The following ZNF827 variants were observed in gnomAD, a reference collection of about 807,000 sequenced individuals.
ZNF827 encodes the protein zinc finger protein 827.
Under a neutral mutation model 102.4 loss-of-function variants are expected in ZNF827, and 13 were observed. That is an observed-to-expected ratio of 0.13 (90% CI 0.08 to 0.20). ZNF827 has a LOEUF of 0.20. Among genes scored for constraint, ZNF827 ranks in the 10% least tolerant of loss-of-function variants. The pLI, the probability that ZNF827 is intolerant of heterozygous loss-of-function variation, is 1.00. For missense variants in ZNF827, 1,103 were observed against 1,344.4 expected (o/e 0.82, Z 2.81); for synonymous variants, 523 against 536.2 (o/e 0.98, Z 0.34).
At chr4:145,835,575 C>T (rs1446553880) in intron 7 of ZNF827, among the ~76,000 whole-genome samples, 8 of 149,858 alleles carry the variant, frequency 5.3e-5, no homozygotes, top group East Asian at 2.0e-4. Flanking sequence ...ATCTCATTGC[C>T]GCCCTTCTTC....
intron 8 of ZNF827, among the ~76,000 whole-genome samples, chr4:145,805,194 GA>G (rs1428912238): frequency 2.6e-5 from 4 of 151,314 alleles, no homozygotes; most frequent in Admixed American, 2.6e-4. Context: ...CCTTTCTGAT[GA>G]AGGCATTCCC....
intron 9 of ZNF827, among the ~76,000 whole-genome samples, chr4:145,778,678 T>C (rs1737491335): frequency 6.6e-6 from 1 of 152,242 alleles, no homozygotes; most frequent in Admixed American, 6.5e-5. Context: ...TTAAATTTTG[T>C]GTGATGTACG....
chr4:145,839,158 C>T (rs1745172071), intron 7 of ZNF827: 1 of 152,210 alleles, frequency 6.6e-6, no homozygotes, highest in South Asian at 2.1e-4. Context: ...GATTGTCTTA[C>T]AGGTGGGCCA....
intron 5 of ZNF827, among the ~76,000 whole-genome samples, chr4:145,866,725 C>T (rs1157183795): frequency 1.3e-5 from 2 of 152,174 alleles, no homozygotes; most frequent in Admixed American, 1.3e-4. Context: ...TCTACTACTT[C>T]TAGGATCACC....
chr4:145,913,857 T>C lies in ZNF827; in HGVS notation c.44-10642A>G, dbSNP rs563580417. Among the ~76,000 whole-genome samples the C allele has an allele frequency of 2.0e-5, 3 of 152,334 alleles. No homozygotes were observed. In the South Asian group the frequency reaches 6.2e-4, roughly 32 times the overall value. ...TCATTTTAACATTACCAATACTTCT[T>C]AGAAGATCAGTAATAAATTACCAAA... On this transcript the variant is annotated intron_variant, in intron 1 of 14. Coordinates refer to ENST00000508784, the MANE Select transcript of ZNF827 (RefSeq NM_001306215.2).
rs754362937 is a variant in ZNF827 at position 145,774,515 on chromosome 4, T to C, written c.2851A>G (p.Lys951Glu). 1 of 1,610,566 alleles carries C rather than the reference T, an allele frequency of 6.2e-7. No homozygotes were observed. Among genetic ancestry groups the C allele is most frequent in the Non-Finnish European group, 8.5e-7 (1 of 1,178,376 alleles). The change falls in exon 11 of 15, where the codon AAG (lysine) becomes GAG (glutamate). Residue 951 changes from lysine (K) to glutamate (E), a missense_variant. By Grantham distance (56) the Lys-to-Glu change is moderately conservative. Coordinates refer to ENST00000508784, the MANE Select transcript of ZNF827 (RefSeq NM_001306215.2). Reference protein sequence around the residue: ...EAEIKTHIGTKHTGEDRKTPS... With the variant: ...EAEIKTHIGTEHTGEDRKTPS... Reference sequence around the variant, plus strand: ...AGACAGGAATGGTCACCTGTGTGCTTGGTGCCAATGTGAGTCTTTATCTCT... The same window carrying C: ...AGACAGGAATGGTCACCTGTGTGCTCGGTGCCAATGTGAGTCTTTATCTCT...
chr4:145,820,946 TC>T (rs1227943220), intron 8 of ZNF827, among the ~76,000 whole-genome samples: 2 of 152,240 alleles, frequency 1.3e-5, no homozygotes, highest in African/African-American at 2.4e-5. Flanking sequence ...GTGTTCTTGC[TC>T]CCAGCACTGC....
At chr4:145,776,306 A>T (rs938752961) in intron 9 of ZNF827, among the ~76,000 whole-genome samples, 5 of 152,168 alleles carry the variant, frequency 3.3e-5, no homozygotes, top group Middle Eastern at 3.4e-3. Flanking sequence ...AAAAATTTTT[A>T]AAAAATTAGT....
intron 8 of ZNF827, among the ~76,000 whole-genome samples, chr4:145,785,973 A>G (rs138004361): frequency 1.4e-3 from 214 of 152,334 alleles, no homozygotes; most frequent in African/African-American, 5.1e-3. Context: ...AAAGTGTAAT[A>G]TGTCAAAACT....
At position 145,870,358 on chromosome 4, in the gene ZNF827, A is replaced by T. The variant is rs769638817; in HGVS notation, c.1868T>A (p.Val623Glu). 17 of 1,614,020 alleles carry T rather than the reference A, an allele frequency of 1.1e-5. No homozygotes were observed. The highest frequency in any genetic ancestry group is 3.3e-4 in the Middle Eastern group (2 of 6,084). The change falls in exon 5 of 15, where the codon GTG (valine) becomes GAG (glutamate). Residue 623 changes from valine to glutamate, a missense_variant. Around this residue, in one of 5 missense-constraint regions of ZNF827, gnomAD observed 243 missense variants for 251.6 expected, o/e 0.97. Coordinates refer to ENST00000508784, the MANE Select transcript of ZNF827 (RefSeq NM_001306215.2). ...GTCCTCAGAGACGCCTGGGGCTGAC[A>T]CTTCAGATTCCGGGCTGAACACATA... ...SSYVFSPESE[V>E]SAPGVSEDAL... is the part of the protein sequence containing the mutation.
intron 8 of ZNF827, among the ~76,000 whole-genome samples, chr4:145,782,116 C>A (rs1176380338): frequency 6.6e-6 from 1 of 152,204 alleles, no homozygotes; most frequent in Non-Finnish European, 1.5e-5. Flanking sequence ...AGTCCCACGC[C>A]CAACTCCAAG....
chr4:145,834,228 T>A (rs1744577041), intron 7 of ZNF827, among the ~76,000 whole-genome samples: 1 of 152,122 alleles, frequency 6.6e-6, no homozygotes, highest in African/African-American at 2.4e-5. Context: ...AGGCAAACGG[T>A]CTGAGGTGCC....
chr4:145,836,530 C>A (rs143888715), intron 7 of ZNF827, among the ~76,000 whole-genome samples: 1 of 152,188 alleles, frequency 6.6e-6, no homozygotes, highest in Admixed American at 6.5e-5. Context: ...TGCTCCCCGG[C>A]TCCTTCAGCT....
chr4:145,828,133 C>G (rs1278808541), intron 7 of ZNF827, among the ~76,000 whole-genome samples: 1 of 152,178 alleles, frequency 6.6e-6, no homozygotes, highest in Non-Finnish European at 1.5e-5. Context: ...ATGAAATGCA[C>G]TGGACTTTAC....
chr4:145,778,526 C>A (rs957076144), intron 9 of ZNF827, among the ~76,000 whole-genome samples: 1 of 152,092 alleles, frequency 6.6e-6, no homozygotes, highest in Non-Finnish European at 1.5e-5. Flanking sequence ...ATGGAAGGAT[C>A]ACTTGAACCC....
intron 1 of ZNF827, among the ~76,000 whole-genome samples, chr4:145,908,132 C>T (rs1226661863): frequency 2.0e-5 from 3 of 152,132 alleles, no homozygotes; most frequent in African/African-American, 4.8e-5. Context: ...AGAGCATCCT[C>T]GTTCAGAAAG....
At chr4:145,764,346 G>A (rs1246206376) in intron 13 of ZNF827, among the ~76,000 whole-genome samples, 1 of 152,162 alleles carries the variant, frequency 6.6e-6, no homozygotes, top group Non-Finnish European at 1.5e-5. Flanking sequence ...GTTGGCACCT[G>A]TTATCAAGCC....
chr4:145,869,006 T>G (rs1432310940), intron 5 of ZNF827, among the ~76,000 whole-genome samples: 1 of 152,218 alleles, frequency 6.6e-6, no homozygotes, highest in Admixed American at 6.5e-5. Flanking sequence ...TATAAAAATA[T>G]TCAGCTTTTA....
At chr4:145,866,459 T>C (rs1180883558) in intron 5 of ZNF827, among the ~76,000 whole-genome samples, 1 of 152,184 alleles carries the variant, frequency 6.6e-6, no homozygotes, top group Non-Finnish European at 1.5e-5. Context: ...CAAGAAGCAA[T>C]TGTAATTTAT....
Sources: allele counts gnomAD v4.1 joint callset (sites outside exome capture counted in the v4.1 genomes callset), GRCh38; gene constraint gnomAD v4.1.1; regional missense constraint gnomAD v4.1.1; transcripts MANE v1.5; gene names NCBI Gene and HGNC (gene_info 2026-07-23, HGNC 2026-07-21).